The following NDUFAF6 variants were observed in gnomAD, a reference collection of about 807,000 sequenced individuals.
The protein encoded by NDUFAF6 is NADH:ubiquinone oxidoreductase complex assembly factor 6.
In NDUFAF6, 45 loss-of-function variants were observed where a neutral mutation model predicts 40.8. The observed-to-expected ratio is 1.10, with a 90% CI of 0.87 to 1.42. The LOEUF (loss-of-function observed/expected upper bound fraction) is 1.42, where lower values mean the gene tolerates loss of function less well. NDUFAF6 is among the 40% of genes most tolerant of loss of function. The pLI is 0.00. For missense variants in NDUFAF6, 435 were observed against 418.5 expected (o/e 1.04, Z -0.34); for synonymous variants, 185 against 155.9 (o/e 1.19, Z -1.39).
intron 5 of NDUFAF6, among the ~76,000 whole-genome samples, chr8:95,115,934 T>TA (rs1488646624): frequency 6.6e-6 from 1 of 152,116 alleles, no homozygotes; most frequent in Non-Finnish European, 1.5e-5. Context: ...GGTCAGCAGT[T>TA]AGAGAACAGC....
chr8:95,066,816 A>G (rs1417181726), intron 9 of NDUFAF6: 1 of 152,172 alleles, frequency 6.6e-6, no homozygotes, highest in African/African-American at 2.4e-5. Flanking sequence ...AATCATCTTG[A>G]CTATCCATTT....
At chr8:94,976,953 T>A (rs1825000341) in intron 1 of NDUFAF6, among the ~76,000 whole-genome samples, 1 of 151,364 alleles carries the variant, frequency 6.6e-6, no homozygotes, top group Non-Finnish European at 1.5e-5. Context: ...GAGTTTGAGA[T>A]CAGCCTAGGA....
At chr8:94,901,547 T>C (rs1818016804) in intron 1 of NDUFAF6, among the ~76,000 whole-genome samples, 1 of 151,984 alleles carries the variant, frequency 6.6e-6, no homozygotes, top group Non-Finnish European at 1.5e-5. Context: ...GGAGTTGGTT[T>C]TGGACAGGTT....
intron 3 of NDUFAF6, 66 bp downstream of exon 3, chr8:95,035,642 A>G: frequency 6.8e-7 from 1 of 1,467,700 alleles, no homozygotes; most frequent in Non-Finnish European, 9.4e-7. Context: ...TTTGATGGAT[A>G]TAATTTGGGT....
chr8:95,063,194 C>T (rs769359548), downstream of NDUFAF6, among the ~76,000 whole-genome samples: 2 of 152,210 alleles, frequency 1.3e-5, no homozygotes, highest in Non-Finnish European at 2.9e-5. Flanking sequence ...AGATTATCTA[C>T]AATGTTTCTA....
At chr8:95,028,397 C>T (rs1828432027) in intron 1 of NDUFAF6, among the ~76,000 whole-genome samples, 1 of 152,054 alleles carries the variant, frequency 6.6e-6, no homozygotes, top group South Asian at 2.1e-4. Flanking sequence ...ATCCATAGTT[C>T]AATAATTCAC....
intron 2 of NDUFAF6, among the ~76,000 whole-genome samples, chr8:95,009,369 C>CCT (rs58204534): frequency 1 from 151,641 of 152,330 alleles, 75,481 homozygotes; most frequent in East Asian, 1. Flanking sequence ...TTGAAAATAC[C>CCT]GTTTCAACTG....
chr8:95,018,782 G>C (rs1009309499), intron 2 of NDUFAF6, among the ~76,000 whole-genome samples: 1 of 152,216 alleles, frequency 6.6e-6, no homozygotes, highest in Non-Finnish European at 1.5e-5. Context: ...GAAAGAAGAA[G>C]AAATGACATC....
chr8:94,993,899 G>A (rs908837133), intron 2 of NDUFAF6, among the ~76,000 whole-genome samples: 2 of 152,140 alleles, frequency 1.3e-5, no homozygotes, highest in African/African-American at 4.8e-5. Flanking sequence ...AACACATTAA[G>A]TTTCATAAAA....
At chr8:95,094,339 GTCTTTCCTTTT>G (rs1212590236) in intron 2 of NDUFAF6, among the ~76,000 whole-genome samples, 1 of 144,680 alleles carries the variant, frequency 6.9e-6, no homozygotes, top group African/African-American at 2.6e-5. Context: ...ACTATTCTAT[GTCTTTCCTTTT>G]TCTTTCCTTC....
chr8:94,918,073 T>C (rs10956931), intron 1 of NDUFAF6, among the ~76,000 whole-genome samples: 101,318 of 151,986 alleles, frequency 0.67, 34,065 homozygotes, highest in East Asian at 0.79. Context: ...CTCTGGATTT[T>C]TGGGTAAATA....
chr8:95,084,307 A>G (rs1808969124), intron 2 of NDUFAF6, among the ~76,000 whole-genome samples: 1 of 152,126 alleles, frequency 6.6e-6, no homozygotes. Context: ...TTCTTTATAT[A>G]TATTTCAGTA....
chr8:94,937,528 A>G (rs1212547633), intron 1 of NDUFAF6, among the ~76,000 whole-genome samples: 1 of 151,988 alleles, frequency 6.6e-6, no homozygotes, highest in Non-Finnish European at 1.5e-5. Context: ...TTTTTCTGGT[A>G]TCTGAGGAAG....
chr8:95,094,557 C>T (rs1482461502), intron 2 of NDUFAF6, among the ~76,000 whole-genome samples: 4 of 151,044 alleles, frequency 2.6e-5, no homozygotes, highest in Non-Finnish European at 4.4e-5. Context: ...AGATTACAGG[C>T]GCCTGCCACC....
chr8:95,077,859 T>G (rs1808683828), downstream of NDUFAF6, among the ~76,000 whole-genome samples: 1 of 152,046 alleles, frequency 6.6e-6, no homozygotes, highest in Non-Finnish European at 1.5e-5. Context: ...GATCTCATCA[T>G]CCTGCTTCTA....
chr8:94,993,911 G>GA (rs1419044589), intron 2 of NDUFAF6, among the ~76,000 whole-genome samples: 1 of 152,150 alleles, frequency 6.6e-6, no homozygotes. Flanking sequence ...TTCATAAAAG[G>GA]AAAAATACAT....
intron 7 of NDUFAF6, among the ~76,000 whole-genome samples, chr8:95,049,686 G>A (rs1425134108): frequency 6.6e-6 from 1 of 152,064 alleles, no homozygotes; most frequent in Non-Finnish European, 1.5e-5. Flanking sequence ...CTCCACTCCA[G>A]TTAGTGCTCA....
At chr8:95,011,477 T>G (rs983788927) in intron 2 of NDUFAF6, among the ~76,000 whole-genome samples, 2 of 152,194 alleles carry the variant, frequency 1.3e-5, no homozygotes, top group Admixed American at 1.3e-4. Context: ...AGTGGCACTT[T>G]CCACTTCTTA....
intron 8 of NDUFAF6, among the ~76,000 whole-genome samples, chr8:95,054,359 G>A (rs1322421617): frequency 6.6e-6 from 1 of 151,710 alleles, no homozygotes; most frequent in Non-Finnish European, 1.5e-5. Context: ...GAACTTGTTA[G>A]AAATGCAGAT....
Sources: allele counts gnomAD v4.1 joint callset (sites outside exome capture counted in the v4.1 genomes callset), GRCh38; gene constraint gnomAD v4.1.1; transcripts MANE v1.5; gene names NCBI Gene and HGNC (gene_info 2026-07-23, HGNC 2026-07-21).